THBS2: variants seen among roughly 807,000 people sequenced by gnomAD.
THBS2 encodes the protein thrombospondin 2.
In THBS2, 47 loss-of-function variants were observed where a neutral mutation model predicts 135.2. That is an observed-to-expected ratio of 0.35 (90% CI 0.28 to 0.44). The LOEUF is 0.44. THBS2 is among the 20% of genes least tolerant of loss of function. The pLI is 1.00. For synonymous variants in THBS2, 639 were observed against 633.8 expected (o/e 1.01, Z -0.12); for missense variants, 1,288 against 1,603.1 (o/e 0.80, Z 3.36).
chr6:169,232,570 C>A lies in THBS2; in HGVS notation c.1932+94G>T, dbSNP rs563334673. ...CTCCCATGCCTCTCCCGGGCCACGC[C>A]ACCCCTTCCTCTCCTTCCTCCTGCT... On this transcript the variant is annotated intron_variant, in intron 12 of 21. Coordinates refer to ENST00000617924, the MANE Select transcript of THBS2 (RefSeq NM_003247.5). 1.7e-5 allele frequency: 26 copies of A among 1,519,444 alleles called. No individual in the cohort carries two copies. The South Asian group carries it at 3.2e-4, about 18-fold the overall frequency. 94.1% of individuals were successfully genotyped at this position (1,519,444 alleles called of 1,614,324 possible).
Position 169,228,185 on chromosome 6 carries a change from C to A in THBS2, c.2356G>T (p.Ala786Ser), listed in dbSNP as rs777149891. The A allele has an allele frequency of 1.1e-5, 17 of 1,614,000 alleles. No homozygotes were observed. The highest frequency in any genetic ancestry group is 1.4e-5 in the Non-Finnish European group (17 of 1,180,042). Residue 786 changes from alanine (A) to serine (S), a missense_variant, in exon 15 of 22, where the codon GCC becomes TCC. Around this residue, in one of 2 missense-constraint regions of THBS2, gnomAD observed 874 missense variants for 1,156.1 expected, o/e 0.76. Transcript: ENST00000617924. ...CDNCPYVHNP[A>S]QIDTDNNGEG... ...CCATTGTTGTCTGTGTCGATCTGGG[C>A]AGGGTTGTGCACGTAAGGGCAGTTG...
intron 16 of THBS2, among the ~76,000 whole-genome samples, chr6:169,225,856 C>G (rs1298431387): frequency 5.3e-5 from 8 of 152,246 alleles, no homozygotes; most frequent in Admixed American, 3.9e-4. Flanking sequence ...CAACCTCGCT[C>G]CAGCTGATGA....
intron 4 of THBS2, 84 bp downstream of exon 4, chr6:169,246,107 GCACACA>G (rs1562364703): frequency 9.4e-7 from 1 of 1,065,752 alleles, no homozygotes; most frequent in African/African-American, 1.6e-5. Flanking sequence ...AAGCATGAAT[GCACACA>G]CATACACACA....
At position 169,225,236 on chromosome 6, in the gene THBS2, G is replaced by A. The variant is rs370677999; in HGVS notation, c.2682C>T (p.Asp894=). 14 of 1,613,992 alleles carry A rather than the reference G, an allele frequency of 8.7e-6. No homozygotes were observed. Among genetic ancestry groups the A allele is most frequent in the African/African-American group, 6.7e-5 (5 of 75,050 alleles). Reference sequence around the variant, plus strand: ...CGTTGTCATCATCAGGGTCACAGGCGTCGCCCTGGCCGTCTCTGTCATGGT... The same window carrying A: ...CGTTGTCATCATCAGGGTCACAGGCATCGCCCTGGCCGTCTCTGTCATGGT... ...QADHDRDGQG[D]ACDPDDDNDG... The change falls in exon 17 of 22, where the codon GAC becomes GAT. Residue 894 remains aspartate, a synonymous_variant. Transcript: ENST00000617924.
At chr6:169,222,719 G>A (rs1388976852) in intron 18 of THBS2, among the ~76,000 whole-genome samples, 3 of 151,514 alleles carry the variant, frequency 2.0e-5, no homozygotes, top group Admixed American at 6.6e-5. Flanking sequence ...CACTTGAACC[G>A]GGGAAAAAAG....
chr6:169,219,688 G>A, intron 21 of THBS2: 1 of 467,304 alleles, frequency 2.1e-6, no homozygotes, highest in Middle Eastern at 3.5e-4. Context: ...AGCATCCTGA[G>A]CCTTATTTAC....
chr6:169,241,015 G>A lies in THBS2; in HGVS notation c.892-423C>T, dbSNP rs1404498850. ...CTCCCTGCCCCGGTCTCCTGCCATCGACCCCCTCCCTGCCCCAGGCTCCTG... is the reference window on the plus strand; with the variant it reads ...CTCCCTGCCCCGGTCTCCTGCCATCAACCCCCTCCCTGCCCCAGGCTCCTG... On this transcript the variant is annotated intron_variant, in intron 5 of 21. Transcript: ENST00000617924. The surrounding 1 kb of genome is among the most constrained non-coding windows in gnomAD (Gnocchi z 5.5). 2.0e-5 allele frequency among the ~76,000 whole-genome samples: 3 copies of A among 148,034 alleles called. No homozygotes were observed. The highest frequency in any genetic ancestry group is 2.1e-4 in the South Asian group (1 of 4,672).
rs1780826175 is a variant in THBS2, at chr6:169,253,719, C to G, written c.-23+5G>C. On this transcript the variant is annotated splice_donor_5th_base_variant and intron_variant, in intron 1 of 21. Transcript: ENST00000617924. Reference sequence around the variant, plus strand: ...TAATTGATTGAGTTTAAGAAATAATCGTACCTGGTTTGCCAAAAAGATGCA... The same window carrying G: ...TAATTGATTGAGTTTAAGAAATAATGGTACCTGGTTTGCCAAAAAGATGCA... 1 of 152,218 alleles carries G rather than the reference C, an allele frequency of 6.6e-6. No individual in the cohort carries two copies. Among genetic ancestry groups the G allele is most frequent in the African/African-American group, 2.4e-5 (1 of 41,464 alleles). The allele number at this position is 152,218 out of a possible 1,614,324, so 9.4% of individuals were successfully genotyped here.
intron 4 of THBS2, among the ~76,000 whole-genome samples, chr6:169,244,919 G>A (rs1780491777): frequency 6.6e-6 from 1 of 152,200 alleles, no homozygotes; most frequent in Non-Finnish European, 1.5e-5. Flanking sequence ...CTTCCTCACA[G>A]GACGTGCACA....
intron 9 of THBS2, 65 bp downstream of exon 9, chr6:169,237,105 G>T: frequency 6.6e-7 from 1 of 1,524,714 alleles, no homozygotes; most frequent in South Asian, 1.2e-5. Context: ...GGCTCCAGCT[G>T]TGGCTGCTCA....
intron 18 of THBS2, 83 bp downstream of exon 18, chr6:169,223,165 T>G: frequency 3.1e-6 from 4 of 1,303,674 alleles, no homozygotes; most frequent in Non-Finnish European, 4.3e-6. Context: ...CCCACCTGCA[T>G]GATCTTAAAG....
At position 169,226,184 on chromosome 6, in the gene THBS2, T is replaced by G. The variant is rs1456724752; in HGVS notation, c.2534A>C (p.Asp845Ala). Residue 845 changes from aspartate to alanine, a missense_variant, in exon 16 of 22, where the codon GAC (aspartate) becomes GCC (alanine). Around this residue, in one of 2 missense-constraint regions of THBS2, gnomAD observed 874 missense variants for 1,156.1 expected, o/e 0.76. Transcript: ENST00000617924. The part of the protein sequence containing the change: ...CDNCPLVHNP[D>A]QTDVDNDLVG... The stretch of plus-strand genomic sequence containing the variant: ...CCTGTCTGCGGCTGCCCTCACCTGG[T>G]CAGGGTTGTGCACCAGGGGGCAGTT... The G allele has an allele frequency of 6.2e-7, 1 of 1,612,570 alleles. No homozygotes were observed. Among genetic ancestry groups the G allele is most frequent in the Non-Finnish European group, 8.5e-7 (1 of 1,179,326 alleles).
intron 5 of THBS2, 129 bp from the exon 6 acceptor site, chr6:169,240,721 C>A: frequency 8.2e-7 from 1 of 1,226,326 alleles, no homozygotes; most frequent in Non-Finnish European, 1.1e-6. Flanking sequence ...TTGACTCATC[C>A]CTGGGTGGAA....
intron 14 of THBS2, 144 bp from the exon 15 acceptor site, chr6:169,228,425 G>C: frequency 9.7e-7 from 1 of 1,032,494 alleles, no homozygotes; most frequent in Non-Finnish European, 1.4e-6. Context: ...GGGCTGGACG[G>C]TGGCTCACAC....
intron 7 of THBS2, among the ~76,000 whole-genome samples, chr6:169,238,118 T>C (rs1173119519): frequency 6.6e-6 from 1 of 152,238 alleles, no homozygotes; most frequent in African/African-American, 2.4e-5. Context: ...ATAAAATAGC[T>C]TGCCAAAGAC....
intron 4 of THBS2, among the ~76,000 whole-genome samples, chr6:169,245,605 A>G (rs924223107): frequency 6.6e-6 from 1 of 152,136 alleles, no homozygotes; most frequent in Non-Finnish European, 1.5e-5. Context: ...ATCTTGGCTA[A>G]CACGCTGAAA....
At chr6:169,239,939 A>G (rs919219512) in intron 6 of THBS2, among the ~76,000 whole-genome samples, 1 of 152,218 alleles carries the variant, frequency 6.6e-6, no homozygotes, top group African/African-American at 2.4e-5. Context: ...CTGAGCAGCA[A>G]GGATGCAACA....
In THBS2 at chr6:169,248,890, G is replaced by A. The variant is rs748950698; in HGVS notation, c.136C>T (p.Arg46Cys). Reference sequence around the variant, plus strand: ...GCCGGCACGCCGGGGTCGGGCCCGCGGAACTGCTTGGCGCCAATGGTCTTG... The same window carrying A: ...GCCGGCACGCCGGGGTCGGGCCCGCAGAACTGCTTGGCGCCAATGGTCTTG... ...NRKTIGAKQF[R>C]GPDPGVPAYR... The change falls in exon 3 of 22, where the codon CGC (arginine) becomes TGC (cysteine). Residue 46 changes from arginine to cysteine, a missense_variant. Physicochemically the swap from Arg to Cys is radical, Grantham distance 180. Coordinates refer to ENST00000617924, the MANE Select transcript of THBS2 (RefSeq NM_003247.5). The A allele has an allele frequency of 3.1e-6, 5 of 1,613,362 alleles. No homozygotes were observed. The highest frequency in any genetic ancestry group is 2.2e-5 in the East Asian group (1 of 44,834).
rs1226838575 is a variant in THBS2 at position 169,237,777 on chromosome 6, C to A, written c.1148G>T (p.Gly383Val). The change falls in exon 8 of 22, where the codon GGC becomes GTC. Residue 383 changes from glycine to valine, a missense_variant. Physicochemically the swap from Gly to Val is moderately radical, Grantham distance 109. Coordinates refer to ENST00000617924, the MANE Select transcript of THBS2 (RefSeq NM_003247.5). ...SCLHSVDGEE[G>V]WSPWAEWTQC... is the part of the protein sequence containing the mutation. Reference sequence around the variant, plus strand: ...GGTCCACTCTGCCCACGGAGACCAGCCCTCCTCACCGTCCACCGCTGCCAG... The same window carrying A: ...GGTCCACTCTGCCCACGGAGACCAGACCTCCTCACCGTCCACCGCTGCCAG... The A allele has an allele frequency of 1.2e-6, 2 of 1,610,554 alleles. No homozygotes were observed. Among genetic ancestry groups the A allele is most frequent in the Non-Finnish European group, 1.7e-6 (2 of 1,179,714 alleles).
Sources: allele counts gnomAD v4.1 joint callset (sites outside exome capture counted in the v4.1 genomes callset), GRCh38; gene constraint gnomAD v4.1.1; regional missense constraint gnomAD v4.1.1; non-coding constraint Gnocchi (gnomAD v3.1); transcripts MANE v1.5; gene names NCBI Gene and HGNC (gene_info 2026-07-23, HGNC 2026-07-21).